SHISA9: variants seen among roughly 807,000 people sequenced by gnomAD.
SHISA9 encodes the protein protein shisa-9.
A neutral mutation model predicts 38.0 loss-of-function variants in SHISA9; 13 were observed. The observed-to-expected ratio is 0.34, with a 90% CI of 0.22 to 0.54. The LOEUF is 0.54. Among genes scored for constraint, SHISA9 ranks in the 20% least tolerant of loss-of-function variants. The pLI is 0.91. For missense variants in SHISA9, 538 were observed against 575.8 expected, an observed-to-expected ratio of 0.93 and a Z score of 0.67; for synonymous variants, 275 against 242.0, an observed-to-expected ratio of 1.14 and a Z score of -1.27.
At chr16:13,287,881 G>A in the SHISA9 span, among the ~76,000 whole-genome samples, 1 of 152,156 alleles carries the variant, frequency 6.6e-6, no homozygotes, top group African/African-American at 2.4e-5. Flanking sequence ...AATCTGGCGA[G>A]TGTTTTCACC....
intron 1 of SHISA9, among the ~76,000 whole-genome samples, chr16:12,908,260 A>T (rs1270450704): frequency 6.6e-6 from 1 of 152,182 alleles, no homozygotes; most frequent in Non-Finnish European, 1.5e-5. Context: ...ACTGTGTGAC[A>T]TTGACCAAGT....
At chr16:13,019,921 TTC>T (rs2072822021) in intron 2 of SHISA9, among the ~76,000 whole-genome samples, 1 of 92,122 alleles carries the variant, frequency 1.1e-5, no homozygotes, top group African/African-American at 3.7e-5. Context: ...CTTTCTTTCT[TTC>T]TTTCTTTCTT....
the SHISA9 span, among the ~76,000 whole-genome samples, chr16:13,252,683 C>CATATT: frequency 1.3e-5 from 2 of 152,134 alleles, no homozygotes; most frequent in Non-Finnish European, 2.9e-5. Context: ...CCATTTCTAC[C>CATATT]ATATTATATA....
the SHISA9 span, among the ~76,000 whole-genome samples, chr16:13,343,207 A>C: frequency 6.6e-6 from 1 of 152,152 alleles, no homozygotes; most frequent in Non-Finnish European, 1.5e-5. Flanking sequence ...AAACTCTGTA[A>C]TGTTGCTGAA....
At chr16:13,400,312 C>T in the SHISA9 span, among the ~76,000 whole-genome samples, 2 of 151,986 alleles carry the variant, frequency 1.3e-5, no homozygotes, top group Admixed American at 1.3e-4. Flanking sequence ...TTCTTGATAG[C>T]ACCCTGCTAA....
At chr16:13,351,993 C>A in the SHISA9 span, among the ~76,000 whole-genome samples, 1 of 152,262 alleles carries the variant, frequency 6.6e-6, no homozygotes, top group East Asian at 1.9e-4. Flanking sequence ...CTGGCTCCTG[C>A]CCGAATAGAA....
chr16:13,094,989 C>T (rs906794383), intron 2 of SHISA9, among the ~76,000 whole-genome samples: 1 of 152,122 alleles, frequency 6.6e-6, no homozygotes, highest in Non-Finnish European at 1.5e-5. Context: ...ATATTTCTTC[C>T]GTTTCCTCCT....
the SHISA9 span, among the ~76,000 whole-genome samples, chr16:13,466,216 C>T: frequency 1.3e-5 from 2 of 152,210 alleles, no homozygotes; most frequent in Non-Finnish European, 2.9e-5. Flanking sequence ...GTTAAGACTG[C>T]CACGCGGCCA....
At chr16:13,088,192 G>T (rs966293143) in intron 2 of SHISA9, among the ~76,000 whole-genome samples, 36 of 152,112 alleles carry the variant, frequency 2.4e-4, no homozygotes, top group African/African-American at 8.2e-4. Context: ...TATCTGTTTT[G>T]TTACCAGTAC....
At chr16:13,254,467 G>C in the SHISA9 span, among the ~76,000 whole-genome samples, 2 of 152,320 alleles carry the variant, frequency 1.3e-5, no homozygotes, top group Admixed American at 1.3e-4. Context: ...GTCTCTCTGG[G>C]AACAGAGTTT....
intron 2 of SHISA9, among the ~76,000 whole-genome samples, chr16:13,129,368 C>G (rs1431818570): frequency 6.6e-6 from 1 of 152,196 alleles, no homozygotes; most frequent in Non-Finnish European, 1.5e-5. Context: ...CACTATTCTC[C>G]TAAGTTCTTG....
At chr16:13,366,254 A>G in the SHISA9 span, among the ~76,000 whole-genome samples, 3 of 152,242 alleles carry the variant, frequency 2.0e-5, no homozygotes, top group East Asian at 5.8e-4. Context: ...TTAATGGAAC[A>G]TTTAGGCTTT....
intron 4 of SHISA9, among the ~76,000 whole-genome samples, chr16:13,230,693 T>G (rs1293622461): frequency 6.6e-6 from 1 of 152,132 alleles, no homozygotes; most frequent in South Asian, 2.1e-4. Flanking sequence ...TAGAGTAAAG[T>G]GAAATTAAGT....
At chr16:13,543,812 A>G in the SHISA9 span, among the ~76,000 whole-genome samples, 10 of 152,112 alleles carry the variant, frequency 6.6e-5, no homozygotes, top group African/African-American at 2.4e-4. Flanking sequence ...AAAGGCATCC[A>G]TGGCGTCTAC....
chr16:13,153,837 C>G (rs1322392285), intron 2 of SHISA9, among the ~76,000 whole-genome samples: 1 of 152,076 alleles, frequency 6.6e-6, no homozygotes, highest in African/African-American at 2.4e-5. Context: ...GGGTATTGGT[C>G]TATGCCCATC....
At chr16:13,392,328 C>T in the SHISA9 span, among the ~76,000 whole-genome samples, 3 of 152,074 alleles carry the variant, frequency 2.0e-5, no homozygotes, top group Non-Finnish European at 4.4e-5. Context: ...AGATAACAAT[C>T]TATTTTTCAT....
chr16:13,516,725 G>A, the SHISA9 span, among the ~76,000 whole-genome samples: 1 of 151,582 alleles, frequency 6.6e-6, no homozygotes, highest in Middle Eastern at 3.4e-3. Flanking sequence ...GCTTGAACCC[G>A]AGGCAGAGTT....
At chr16:13,093,382 G>A (rs150135621) in intron 2 of SHISA9, among the ~76,000 whole-genome samples, 1 of 152,238 alleles carries the variant, frequency 6.6e-6, no homozygotes, top group African/African-American at 2.4e-5. Context: ...CTATAAAGTG[G>A]GATTGATGAT....
In SHISA9 at chr16:13,148,387, A is replaced by T. The variant is rs1022537636; in HGVS notation, c.692-55007A>T. Among the ~76,000 whole-genome samples, 3 of 152,004 alleles carry T rather than the reference A, an allele frequency of 2.0e-5. No individual in the cohort carries two copies. In the East Asian group the frequency reaches 5.8e-4, roughly 29 times the overall value. ...ACTACACACACCATGCGCAGTTTCC[A>T]TGACACACCCACACAATCCATATTT... On this transcript the variant is annotated intron_variant, in intron 2 of 4. Transcript: ENST00000558583.
Sources: allele counts gnomAD v4.1 joint callset (sites outside exome capture counted in the v4.1 genomes callset), GRCh38; gene constraint gnomAD v4.1.1; transcripts MANE v1.5; gene names NCBI Gene and HGNC (gene_info 2026-07-23, HGNC 2026-07-21).